The following ARID2 variants were observed in gnomAD, a reference collection of about 807,000 sequenced individuals.
ARID2 encodes the protein AT-rich interaction domain 2, also known as AT-rich interactive domain-containing protein 2.
Under a neutral mutation model 184.6 loss-of-function variants are expected in ARID2, and 32 were observed. The ratio of observed to expected loss-of-function variants is 0.17; its 90% confidence interval spans 0.13 to 0.23. ARID2 has a LOEUF of 0.23. Among genes scored for constraint, ARID2 ranks in the 10% least tolerant of loss-of-function variants. ARID2 has a pLI of 1.00. For synonymous variants in ARID2, 836 were observed against 772.6 expected (o/e 1.08, Z -1.36); for missense variants, 1,696 against 2,197.6 (o/e 0.77, Z 4.56).
intron 3 of ARID2, among the ~76,000 whole-genome samples, chr12:45,797,986 A>G (rs991264883): frequency 6.6e-6 from 1 of 152,094 alleles, no homozygotes; most frequent in Non-Finnish European, 1.5e-5. Flanking sequence ...AACTGCTATT[A>G]TAGTTTCTTT....
intron 5 of ARID2, among the ~76,000 whole-genome samples, chr12:45,818,454 T>G (rs781325989): frequency 6.6e-6 from 1 of 152,152 alleles, no homozygotes; most frequent in Non-Finnish European, 1.5e-5. Context: ...TAATAAAGAT[T>G]TAGAAATAAT....
At chr12:45,811,081 C>T (rs889060135) in intron 3 of ARID2, among the ~76,000 whole-genome samples, 5 of 151,838 alleles carry the variant, frequency 3.3e-5, no homozygotes, top group Non-Finnish European at 2.9e-5. Context: ...TGGTGGCAGT[C>T]GCCTGTAGTC....
At chr12:45,887,494 AAG>A (rs150206502) in intron 16 of ARID2, among the ~76,000 whole-genome samples, 2,070 of 152,284 alleles carry the variant, frequency 0.014, 28 homozygotes, top group African/African-American at 0.035. Context: ...AAAGATGCAA[AAG>A]AGGGGATAAT....
At chr12:45,768,957 A>C (rs773898965) in intron 3 of ARID2, among the ~76,000 whole-genome samples, 5 of 152,192 alleles carry the variant, frequency 3.3e-5, no homozygotes, top group Non-Finnish European at 7.3e-5. Context: ...GGGACTATCC[A>C]AGGCTGTGCC....
At chr12:45,831,894 A>G (rs1943129803) in intron 6 of ARID2, among the ~76,000 whole-genome samples, 1 of 152,234 alleles carries the variant, frequency 6.6e-6, no homozygotes, top group South Asian at 2.1e-4. Context: ...AACATTATGT[A>G]TGAAACTTAG....
chr12:45,899,044 C>T (rs990297454), intron 20 of ARID2, among the ~76,000 whole-genome samples: 16 of 151,500 alleles, frequency 1.1e-4, no homozygotes, highest in South Asian at 1.0e-3. Flanking sequence ...GAGGCTGAGG[C>T]AGGTGAATCA....
At chr12:45,804,489 CGTGTGTGT>C (rs141399769) in intron 3 of ARID2, among the ~76,000 whole-genome samples, 1 of 146,500 alleles carries the variant, frequency 6.8e-6, no homozygotes, top group African/African-American at 2.5e-5. Context: ...CGTGTGTGTG[CGTGTGTGT>C]GTGTGTGTGT....
At chr12:45,742,570 A>T (rs2137980819) in intron 3 of ARID2, among the ~76,000 whole-genome samples, 1 of 152,252 alleles carries the variant, frequency 6.6e-6, no homozygotes, top group East Asian at 1.9e-4. Context: ...GCCTTTTTTC[A>T]CTTCATATAT....
At chr12:45,832,351 G>A (rs1184638039) in intron 6 of ARID2, among the ~76,000 whole-genome samples, 1 of 152,090 alleles carries the variant, frequency 6.6e-6, no homozygotes, top group Admixed American at 6.6e-5. Context: ...ATGCCTTGCA[G>A]TTTCATTGCT....
intron 6 of ARID2, among the ~76,000 whole-genome samples, chr12:45,835,482 C>T (rs956582319): frequency 3.3e-5 from 5 of 151,130 alleles, no homozygotes; most frequent in African/African-American, 1.2e-4. Context: ...GTTTTAAATG[C>T]CTAAGAACTT....
chr12:45,899,902 T>A (rs1035364593), intron 20 of ARID2, among the ~76,000 whole-genome samples: 1 of 151,688 alleles, frequency 6.6e-6, no homozygotes, highest in African/African-American at 2.4e-5. Flanking sequence ...ATTTATTGAC[T>A]TCCCTTTTAA....
intron 3 of ARID2, among the ~76,000 whole-genome samples, chr12:45,795,479 T>A (rs1422875010): frequency 6.6e-6 from 1 of 152,206 alleles, no homozygotes; most frequent in Non-Finnish European, 1.5e-5. Context: ...TCGCCCAGGC[T>A]GGAGTGCAGT....
chr12:45,744,739 C>T (rs1467654427), intron 3 of ARID2, among the ~76,000 whole-genome samples: 1 of 151,928 alleles, frequency 6.6e-6, no homozygotes, highest in Non-Finnish European at 1.5e-5. Context: ...TAATGAACCC[C>T]CTAAAGAAGA....
chr12:45,767,501 A>C (rs1218942425), intron 3 of ARID2, among the ~76,000 whole-genome samples: 4 of 152,184 alleles, frequency 2.6e-5, no homozygotes, highest in Admixed American at 2.6e-4. Context: ...TAAATCTCTG[A>C]AGACTGGGCA....
intron 20 of ARID2, among the ~76,000 whole-genome samples, chr12:45,894,515 A>G (rs1944343170): frequency 6.6e-6 from 1 of 152,096 alleles, no homozygotes. Context: ...TTTTTTTGCA[A>G]TGACCTTTAA....
In ARID2 at chr12:45,851,452, G is replaced by C. The variant is rs753485118; in HGVS notation, c.3329G>C (p.Gly1110Ala). 8.7e-6 allele frequency: 14 copies of C among 1,614,132 alleles called. No homozygotes were observed. The South Asian group carries it at 1.5e-4, about 18-fold the overall frequency. Reference protein sequence around the residue: ...QVASNQAAGFGVQGQTPAQQL... With the variant: ...QVASNQAAGFAVQGQTPAQQL... The stretch of plus-strand genomic sequence containing the variant: ...GCCAGTAACCAAGCCGCAGGTTTTG[G>C]AGTGCAGGGGCAAACTCCAGCTCAG... Residue 1110 changes from glycine (G) to alanine (A), a missense_variant, in exon 15 of 21, where the codon GGA becomes GCA. Around this residue, in one of 11 missense-constraint regions of ARID2, gnomAD observed 713 missense variants for 824.4 expected, o/e 0.86. Coordinates refer to ENST00000334344, the MANE Select transcript of ARID2 (RefSeq NM_152641.4).
intron 15 of ARID2, among the ~76,000 whole-genome samples, chr12:45,854,705 G>T (rs1045678867): frequency 2.0e-5 from 3 of 152,124 alleles, no homozygotes; most frequent in African/African-American, 7.2e-5. Flanking sequence ...CATCATTATG[G>T]AATTGTTTCA....
rs754662276 is a variant in ARID2, at chr12:45,850,060, T to C, written c.1937T>C (p.Ile646Thr). 11 of 1,613,608 alleles carry C rather than the reference T, an allele frequency of 6.8e-6. No individual in the cohort carries two copies. The highest frequency in any genetic ancestry group is 1.7e-5 in the Admixed American group (1 of 59,996). Reference protein sequence around the residue: ...PAGIPHGSQTIGNHFQRTPVA... With the variant: ...PAGIPHGSQTTGNHFQRTPVA... The stretch of plus-strand genomic sequence containing the variant: ...GGAATCCCTCATGGATCACAAACCA[T>C]AGGAAACCATTTTCAGAGGACTCCT... The change falls in exon 15 of 21, where the codon ATA becomes ACA. Residue 646 changes from isoleucine to threonine, a missense_variant. Ile to Thr is a moderately conservative substitution (Grantham distance 89, BLOSUM62 -1). Transcript: ENST00000334344.
intron 3 of ARID2, among the ~76,000 whole-genome samples, chr12:45,795,519 G>A (rs1942374845): frequency 6.6e-6 from 1 of 151,944 alleles, no homozygotes; most frequent in African/African-American, 2.4e-5. Flanking sequence ...GCAAAGCTCC[G>A]CCTCCCGGGT....
Sources: gnomAD v4.1 joint callset for allele counts (sites outside exome capture counted in the v4.1 genomes callset) on GRCh38, gnomAD v4.1.1 for gene constraint, gnomAD v4.1.1 regional missense constraint, MANE v1.5 for transcripts, NCBI Gene and HGNC (gene_info 2026-07-23, HGNC 2026-07-21) for gene names.